The following KCNK2 variants were observed in gnomAD, a reference collection of about 807,000 sequenced individuals.
KCNK2 encodes potassium channel subfamily K member 2.
Under a neutral mutation model 40.5 loss-of-function variants are expected in KCNK2, and 21 were observed. The ratio of observed to expected loss-of-function variants is 0.52; its 90% CI spans 0.37 to 0.75. KCNK2 has a LOEUF of 0.75. KCNK2 is among the 30% of genes least tolerant of loss of function. The probability of loss-of-function intolerance (pLI) is 0.00; values close to 1 mark genes in which losing one functional copy is unlikely to be tolerated. For missense variants in KCNK2, 399 were observed against 531.6 expected, an observed-to-expected ratio of 0.75 and a Z score of 2.45; for synonymous variants, 191 against 202.2, an observed-to-expected ratio of 0.94 and a Z score of 0.47.
chr1:215,215,996 G>A (rs1010133415), intron 6 of KCNK2, among the ~76,000 whole-genome samples: 1 of 152,138 alleles, frequency 6.6e-6, no homozygotes, highest in Non-Finnish European at 1.5e-5. Flanking sequence ...AAATACAGCA[G>A]CATGCTTGTA....
chr1:215,227,469 C>A (rs1666430078), intron 6 of KCNK2, among the ~76,000 whole-genome samples: 1 of 152,010 alleles, frequency 6.6e-6, no homozygotes, highest in South Asian at 2.1e-4. Flanking sequence ...CAGGATGGCC[C>A]CCGACATGGA....
chr1:215,094,082 G>T (rs1024492295), intron 2 of KCNK2, among the ~76,000 whole-genome samples: 1 of 148,476 alleles, frequency 6.7e-6, no homozygotes, highest in Admixed American at 7.0e-5. Flanking sequence ...CTGTCATTCT[G>T]ATTTGTGTAA....
intron 2 of KCNK2, among the ~76,000 whole-genome samples, chr1:215,096,686 G>C (rs555635843): frequency 6.6e-6 from 1 of 151,972 alleles, no homozygotes; most frequent in Non-Finnish European, 1.5e-5. Flanking sequence ...GGACCATTTT[G>C]AATTCACATG....
At chr1:215,139,238 T>C (rs926910373) in intron 3 of KCNK2, among the ~76,000 whole-genome samples, 1 of 152,182 alleles carries the variant, frequency 6.6e-6, no homozygotes, top group African/African-American at 2.4e-5. Flanking sequence ...GAATCATTTA[T>C]GTATGGATAT....
intron 2 of KCNK2, among the ~76,000 whole-genome samples, chr1:215,090,037 G>T (rs888386726): frequency 9.2e-5 from 14 of 151,868 alleles, no homozygotes; most frequent in Non-Finnish European, 2.9e-5. Context: ...TATTGGTCAG[G>T]CTGGTCTCGA....
At chr1:215,127,937 A>G (rs1461861081) in intron 3 of KCNK2, among the ~76,000 whole-genome samples, 4 of 152,228 alleles carry the variant, frequency 2.6e-5, no homozygotes, top group African/African-American at 9.6e-5. Flanking sequence ...TATTAATTCA[A>G]CAAATAATAA....
At chr1:215,122,740 C>CTTT (rs564207038) in intron 2 of KCNK2, among the ~76,000 whole-genome samples, 55 of 120,346 alleles carry the variant, frequency 4.6e-4, no homozygotes, top group Non-Finnish European at 5.7e-4. Context: ...CATTCATAAT[C>CTTT]TTTTTTTTTT....
chr1:215,067,947 C>T (rs1302370274), intron 1 of KCNK2, among the ~76,000 whole-genome samples: 2 of 152,036 alleles, frequency 1.3e-5, no homozygotes, highest in African/African-American at 4.8e-5. Context: ...CAAAATACAA[C>T]TGGGAAATTC....
At chr1:215,063,560 C>G (rs903205963) in intron 1 of KCNK2, among the ~76,000 whole-genome samples, 1 of 152,184 alleles carries the variant, frequency 6.6e-6, no homozygotes, top group African/African-American at 2.4e-5. Flanking sequence ...ACTGTGCTAA[C>G]AGTAATAATA....
At chr1:215,162,705 A>G (rs1035540772) in intron 3 of KCNK2, among the ~76,000 whole-genome samples, 2 of 152,068 alleles carry the variant, frequency 1.3e-5, no homozygotes, top group Non-Finnish European at 2.9e-5. Context: ...TGTTTTTGTC[A>G]GGTTTGTCAA....
chr1:215,131,406 A>G (rs1300116412), intron 3 of KCNK2, among the ~76,000 whole-genome samples: 1 of 146,972 alleles, frequency 6.8e-6, no homozygotes, highest in African/African-American at 2.5e-5. Context: ...TAATTAGTAT[A>G]TTTATATTTT....
chr1:215,164,864 C>A (rs1663372262), intron 3 of KCNK2, among the ~76,000 whole-genome samples: 2 of 152,152 alleles, frequency 1.3e-5, no homozygotes, highest in South Asian at 4.1e-4. Flanking sequence ...GAGATCAGGT[C>A]TGTCTACTTC....
chr1:215,175,599 G>T (rs1277666108), intron 5 of KCNK2, among the ~76,000 whole-genome samples: 1 of 152,028 alleles, frequency 6.6e-6, no homozygotes, highest in Non-Finnish European at 1.5e-5. Context: ...CCATCACCCA[G>T]GTACCAAGCT....
intron 1 of KCNK2, among the ~76,000 whole-genome samples, chr1:215,072,375 G>A (rs1223733596): frequency 6.6e-6 from 1 of 152,240 alleles, no homozygotes; most frequent in African/African-American, 2.4e-5. Context: ...AGGCAAGAGA[G>A]CTTTTGCAGA....
Position 215,036,133 on chromosome 1 carries a change from GT to G in KCNK2, c.34+30189del, listed in dbSNP as rs34635305. 8.8e-3 allele frequency among the ~76,000 whole-genome samples: 1,290 copies of G among 146,648 alleles called. 17 individuals are homozygous for G. The highest frequency in any genetic ancestry group is 0.029 in the African/African-American group (1,178 of 40,106). ...CAATGTTATGAAGATGCTCTCATGT[GT>G]TTTTTTTTTTCCTAGAAAATTTATA... is the stretch of plus-strand genomic sequence containing the variant. On this transcript the variant is annotated intron_variant, in intron 1 of 6. Coordinates refer to the KCNK2 transcript ENST00000391895.
chr1:215,194,894 C>T (rs577641352), intron 5 of KCNK2, 59 bp from the exon 6 acceptor site: 27 of 1,539,984 alleles, frequency 1.8e-5, no homozygotes, highest in Non-Finnish European at 2.4e-5. Flanking sequence ...TTAGCAATAC[C>T]TAGATTGTTT....
chr1:215,149,055 G>C (rs1662567032), intron 3 of KCNK2, among the ~76,000 whole-genome samples: 1 of 152,134 alleles, frequency 6.6e-6, no homozygotes, highest in South Asian at 2.1e-4. Flanking sequence ...GAACACTTAA[G>C]GGTTTTGAAA....
At chr1:215,071,487 T>C (rs1313444130) in intron 1 of KCNK2, among the ~76,000 whole-genome samples, 1 of 152,182 alleles carries the variant, frequency 6.6e-6, no homozygotes, top group Non-Finnish European at 1.5e-5. Flanking sequence ...GCATCTGTTA[T>C]GCTCCAGTAG....
At chr1:215,200,472 T>C (rs939945556) in intron 6 of KCNK2, among the ~76,000 whole-genome samples, 4 of 152,170 alleles carry the variant, frequency 2.6e-5, no homozygotes, top group Admixed American at 1.3e-4. Context: ...CATTATTTCT[T>C]ATGGGAGAAG....
Sources: allele counts gnomAD v4.1 joint callset (sites outside exome capture counted in the v4.1 genomes callset), GRCh38; gene constraint gnomAD v4.1.1; transcripts MANE v1.5; gene names NCBI Gene and HGNC (gene_info 2026-07-23, HGNC 2026-07-21).